PHF14: variants seen among roughly 807,000 people sequenced by gnomAD.
PHF14 encodes the protein PHD finger protein 14.
A neutral mutation model predicts 117.9 loss-of-function variants in PHF14; 55 were observed. That is an observed-to-expected ratio of 0.47 (90% CI 0.38 to 0.58). The LOEUF (loss-of-function observed/expected upper bound fraction) is 0.58. Ranked by LOEUF, PHF14 falls within the 20% of genes least tolerant of loss-of-function variation. The probability of loss-of-function intolerance (pLI) is 0.00; values close to 1 mark genes in which losing one functional copy is unlikely to be tolerated. For synonymous variants in PHF14, 409 were observed against 368.6 expected, an observed-to-expected ratio of 1.11 and a Z score of -1.26; for missense variants, 978 against 1,122.2, an observed-to-expected ratio of 0.87 and a Z score of 1.84.
At chr7:11,020,735 C>G (rs943663904) in intron 5 of PHF14, among the ~76,000 whole-genome samples, 1 of 152,004 alleles carries the variant, frequency 6.6e-6, no homozygotes, top group Non-Finnish European at 1.5e-5. Context: ...AGTTCTGTCC[C>G]TTGCTAGACT....
chr7:11,062,831 C>T (rs1489427486), intron 16 of PHF14: 2 of 984,998 alleles, frequency 2.0e-6, no homozygotes, highest in East Asian at 2.3e-4. Context: ...AAAGAGGCAT[C>T]AGACTTTCAA....
intron 16 of PHF14, chr7:11,108,238 C>G (rs368038117): frequency 2.0e-5 from 3 of 151,610 alleles, no homozygotes; most frequent in East Asian, 3.8e-4. Context: ...AAGATAGAAA[C>G]AACAGATTTT....
chr7:11,014,918 C>G (rs1471801786), intron 5 of PHF14: 1 of 150,544 alleles, frequency 6.6e-6, no homozygotes, highest in Admixed American at 6.6e-5. Context: ...AGACTACCAT[C>G]TAGGGTTGGT....
rs1262433746 is a variant in PHF14, at chr7:11,106,372, A to G, written c.2655-4978A>G. 6.1e-6 allele frequency: 6 copies of G among 976,384 alleles called. 1 individual carries two copies. In the East Asian group the frequency reaches 3.4e-4, roughly 56 times the overall value. 60.5% of individuals were successfully genotyped at this position (976,384 alleles called of 1,614,324 possible). ...TTAATGAAATAGGTTCAAGCCCTCCACGTTAGTCTTATATTTGTGAAATGA... is the reference window on the plus strand; with the variant it reads ...TTAATGAAATAGGTTCAAGCCCTCCGCGTTAGTCTTATATTTGTGAAATGA... On this transcript the variant is annotated intron_variant, in intron 16 of 17. Coordinates refer to ENST00000634607, the MANE Select transcript of PHF14 (RefSeq NM_001007157.2).
intron 17 of PHF14, among the ~76,000 whole-genome samples, chr7:11,137,721 G>T (rs1788266624): frequency 6.6e-6 from 1 of 150,916 alleles, no homozygotes; most frequent in Middle Eastern, 3.2e-3. Flanking sequence ...GATTAGGTGG[G>T]ATTACAGGCA....
chr7:11,158,882 G>A (rs1788936608), intron 17 of PHF14, among the ~76,000 whole-genome samples: 1 of 152,038 alleles, frequency 6.6e-6, no homozygotes, highest in Admixed American at 6.6e-5. Flanking sequence ...ATTGTACACT[G>A]AAGACATATT....
chr7:11,042,904 A>C, intron 13 of PHF14, 90 bp downstream of exon 13: 1 of 892,994 alleles, frequency 1.1e-6, no homozygotes, highest in Non-Finnish European at 1.7e-6. Flanking sequence ...GTTCATAATA[A>C]AGTATTTGGC....
intron 16 of PHF14, among the ~76,000 whole-genome samples, chr7:11,081,680 C>T (rs905789391): frequency 2.0e-5 from 3 of 151,092 alleles, no homozygotes; most frequent in Admixed American, 2.0e-4. Context: ...CAGGATGAAA[C>T]CCTGTCTCTA....
chr7:11,038,941 T>G (rs1784409997), intron 11 of PHF14, 86 bp downstream of exon 11: 1 of 549,668 alleles, frequency 1.8e-6, no homozygotes, highest in Non-Finnish European at 3.2e-6. Flanking sequence ...AACTGTCATT[T>G]GACTAACCGA....
chr7:11,107,744 C>T, intron 16 of PHF14: 3 of 834,898 alleles, frequency 3.6e-6, no homozygotes, highest in Non-Finnish European at 4.3e-6. Flanking sequence ...TGTGTTATAT[C>T]CCTATACTTT....
chr7:11,059,245 TAAAC>T (rs1236778345), intron 14 of PHF14, among the ~76,000 whole-genome samples: 3 of 152,272 alleles, frequency 2.0e-5, no homozygotes, highest in South Asian at 2.1e-4. Flanking sequence ...AAATGGTAAA[TAAAC>T]ATCCTTAAAA....
intron 17 of PHF14, among the ~76,000 whole-genome samples, chr7:11,155,970 A>G (rs1788835534): frequency 6.6e-6 from 1 of 152,204 alleles, no homozygotes; most frequent in Non-Finnish European, 1.5e-5. Flanking sequence ...AAAACTTTAT[A>G]CTTATGTAGT....
intron 17 of PHF14, among the ~76,000 whole-genome samples, chr7:11,136,700 G>C (rs1403858939): frequency 2.6e-5 from 4 of 151,982 alleles, no homozygotes; most frequent in African/African-American, 2.4e-5. Flanking sequence ...TGAATATGTA[G>C]GGTAAAGAAA....
At chr7:11,159,252 T>C (rs1788953671) in intron 17 of PHF14, among the ~76,000 whole-genome samples, 1 of 152,068 alleles carries the variant, frequency 6.6e-6, no homozygotes, top group South Asian at 2.1e-4. Flanking sequence ...TAAATTCTAT[T>C]TGTTTTTGGT....
intron 13 of PHF14, among the ~76,000 whole-genome samples, chr7:11,046,530 C>A (rs1164177303): frequency 3.3e-5 from 5 of 152,004 alleles, no homozygotes; most frequent in African/African-American, 9.7e-5. Context: ...ATAATTTGTT[C>A]ATTTACATTT....
chr7:11,058,368 GTAGT>G (rs1468171317), intron 14 of PHF14, among the ~76,000 whole-genome samples: 2 of 151,518 alleles, frequency 1.3e-5, no homozygotes, highest in African/African-American at 4.9e-5. Context: ...ATGAATTTTC[GTAGT>G]TATAGTTGCT....
intron 16 of PHF14, chr7:11,103,610 A>G (rs1787164396): frequency 6.1e-6 from 6 of 984,878 alleles, no homozygotes; most frequent in Non-Finnish European, 6.0e-6. Context: ...AATTGTCAAC[A>G]TGTAATTTGG....
chr7:11,081,879 A>G (rs1245507123), intron 16 of PHF14, among the ~76,000 whole-genome samples: 2 of 151,732 alleles, frequency 1.3e-5, no homozygotes, highest in East Asian at 3.9e-4. Flanking sequence ...GAGATTTATG[A>G]TCTTAATTTT....
chr7:11,018,842 A>G (rs916233047), intron 5 of PHF14, among the ~76,000 whole-genome samples: 2 of 152,104 alleles, frequency 1.3e-5, no homozygotes, highest in African/African-American at 4.8e-5. Flanking sequence ...AAAAGCTTAC[A>G]GTTTTTCCCA....
Sources: gnomAD v4.1 joint callset for allele counts (sites outside exome capture counted in the v4.1 genomes callset) on GRCh38, gnomAD v4.1.1 for gene constraint, MANE v1.5 for transcripts, NCBI Gene and HGNC (gene_info 2026-07-23, HGNC 2026-07-21) for gene names.